ZNF267: variants seen among roughly 807,000 people sequenced by gnomAD.
ZNF267 encodes zinc finger (C2H2).
In ZNF267, 61 loss-of-function variants were observed where a neutral mutation model predicts 71.6. The observed-to-expected ratio is 0.85, with a 90% CI of 0.69 to 1.05. The LOEUF (loss-of-function observed/expected upper bound fraction) is 1.05. Ranked by LOEUF, ZNF267 falls within the 50% of genes least tolerant of loss-of-function variation. The pLI is 0.00. For missense variants in ZNF267, 852 were observed against 870.0 expected (o/e 0.98, Z 0.26); for synonymous variants, 288 against 293.2 (o/e 0.98, Z 0.18).
intron 1 of ZNF267, among the ~76,000 whole-genome samples, chr16:31,876,044 A>T (rs1338199297): frequency 2.0e-5 from 3 of 152,214 alleles, no homozygotes; most frequent in Non-Finnish European, 4.4e-5. Flanking sequence ...AAACAGAGAA[A>T]ATCTTTCTTT....
chr16:31,900,111 C>T (rs1317352726), intron 3 of ZNF267, among the ~76,000 whole-genome samples: 2 of 150,736 alleles, frequency 1.3e-5, no homozygotes, highest in Admixed American at 6.6e-5. Context: ...ATCTTTGTAT[C>T]CTATATTTCC....
chr16:31,891,248 G>C (rs926212315), intron 3 of ZNF267, among the ~76,000 whole-genome samples: 12 of 151,862 alleles, frequency 7.9e-5, no homozygotes, highest in Admixed American at 3.3e-4. Context: ...TTTTATTACT[G>C]TATATGTTAT....
intron 3 of ZNF267, among the ~76,000 whole-genome samples, chr16:31,911,304 G>A (rs1356344901): frequency 6.6e-6 from 1 of 151,494 alleles, no homozygotes; most frequent in Non-Finnish European, 1.5e-5. Context: ...TATTGTATTG[G>A]GGCCTCTCTC....
chr16:31,884,734 TCAGGAAAAAAATAGGGG>T, intron 2 of ZNF267, 110 bp downstream of exon 2: 1 of 1,216,416 alleles, frequency 8.2e-7, no homozygotes, highest in South Asian at 1.8e-5. Flanking sequence ...ATTCTTGTTT[TCAGGAAAAAAATAGGGG>T]TTTTGTTGAA....
chr16:31,893,611 C>G (rs2083976198), intron 3 of ZNF267, among the ~76,000 whole-genome samples: 2 of 152,306 alleles, frequency 1.3e-5, no homozygotes, highest in African/African-American at 4.8e-5. Flanking sequence ...CTTTAAGATT[C>G]ACAATGAGAC....
chr16:31,884,348 A>T, intron 1 of ZNF267, 150 bp from the exon 2 acceptor site: 1 of 926,202 alleles, frequency 1.1e-6, no homozygotes, highest in South Asian at 1.8e-5. Context: ...TTGAGACTAC[A>T]TTAGAAAATA....
chr16:31,889,969 TACACC>T (rs944456432), intron 3 of ZNF267, among the ~76,000 whole-genome samples: 2 of 152,206 alleles, frequency 1.3e-5, no homozygotes, highest in Non-Finnish European at 2.9e-5. Context: ...TTTCTAGTTT[TACACC>T]ATTATGATAA....
At chr16:31,897,764 A>G (rs896762652) in intron 3 of ZNF267, among the ~76,000 whole-genome samples, 1 of 152,098 alleles carries the variant, frequency 6.6e-6, no homozygotes, top group African/African-American at 2.4e-5. Context: ...ATTTCTACAT[A>G]TTTGTAGACC....
chr16:31,876,019 G>A (rs1035209948), intron 1 of ZNF267, among the ~76,000 whole-genome samples: 2 of 152,168 alleles, frequency 1.3e-5, no homozygotes, highest in African/African-American at 2.4e-5. Context: ...TTTTGGAAAT[G>A]CTGCCAGGGA....
intron 3 of ZNF267, among the ~76,000 whole-genome samples, chr16:31,905,853 A>G (rs912237122): frequency 1.3e-5 from 2 of 152,104 alleles, no homozygotes; most frequent in Non-Finnish European, 2.9e-5. Context: ...TTGGAGGAGG[A>G]GAGGCACTCT....
intron 3 of ZNF267, among the ~76,000 whole-genome samples, chr16:31,903,142 T>G (rs1046862705): frequency 6.6e-6 from 1 of 152,234 alleles, no homozygotes; most frequent in African/African-American, 2.4e-5. Flanking sequence ...GAAGTCCACT[T>G]GATCATGGTG....
chr16:31,908,888 T>A (rs4889568), intron 3 of ZNF267, among the ~76,000 whole-genome samples: 26 of 151,836 alleles, frequency 1.7e-4, no homozygotes, highest in South Asian at 2.1e-4. Flanking sequence ...TTAGGATAGC[T>A]TTGCTATTCT....
At position 31,877,416 on chromosome 16, in the gene ZNF267, C is replaced by T. The variant is rs370115770; in HGVS notation, c.3+3447C>T. Among the ~76,000 whole-genome samples the T allele has an allele frequency of 6.6e-5, 10 of 152,134 alleles. No individual in the cohort carries two copies. The East Asian group carries it at 1.7e-3, about 26-fold the overall frequency. On this transcript the variant is annotated intron_variant, in intron 1 of 3. Transcript: ENST00000300870. ...AAAGACTTTCTTTCACAGGGAGGAGCAAACAAGCTCAGAAGGTAGGAGGGG... is the reference window on the plus strand; with the variant it reads ...AAAGACTTTCTTTCACAGGGAGGAGTAAACAAGCTCAGAAGGTAGGAGGGG...
intron 1 of ZNF267, among the ~76,000 whole-genome samples, chr16:31,881,373 C>T (rs563833951): frequency 1.3e-5 from 2 of 152,202 alleles, no homozygotes; most frequent in East Asian, 1.9e-4. Flanking sequence ...ACCCTGGAGC[C>T]TCCCCTCACA....
intron 1 of ZNF267, chr16:31,875,065 C>G (rs2083842522): frequency 9.6e-6 from 12 of 1,243,910 alleles, no homozygotes; most frequent in South Asian, 2.5e-5. Context: ...AAAACTGTGC[C>G]TCTTTTTCAT....
At chr16:31,889,163 TCTC>T (rs966540186) in intron 3 of ZNF267, among the ~76,000 whole-genome samples, 13 of 49,866 alleles carry the variant, frequency 2.6e-4, no homozygotes, top group Admixed American at 5.7e-4. Flanking sequence ...TTGAGTCCTC[TCTC>T]TTTTTTTTTC....
At chr16:31,904,026 G>A (rs2084065514) in intron 3 of ZNF267, among the ~76,000 whole-genome samples, 1 of 152,198 alleles carries the variant, frequency 6.6e-6, no homozygotes, top group South Asian at 2.1e-4. Flanking sequence ...CTTTATTTAT[G>A]TCTTCATTTC....
At chr16:31,909,894 G>A (rs2084123385) in intron 3 of ZNF267, among the ~76,000 whole-genome samples, 1 of 152,164 alleles carries the variant, frequency 6.6e-6, no homozygotes, top group African/African-American at 2.4e-5. Context: ...GATACTAGCT[G>A]TGGATCTGTC....
chr16:31,909,785 TC>T (rs1333399601), intron 3 of ZNF267, among the ~76,000 whole-genome samples: 1 of 152,216 alleles, frequency 6.6e-6, no homozygotes, highest in African/African-American at 2.4e-5. Context: ...AGCTAGCACT[TC>T]CAGTACTATG....
Sources: allele counts gnomAD v4.1 joint callset (sites outside exome capture counted in the v4.1 genomes callset), GRCh38; gene constraint gnomAD v4.1.1; transcripts MANE v1.5; gene names NCBI Gene and HGNC (gene_info 2026-07-23, HGNC 2026-07-21).